Variants in MICAL3 observed in about 807,000 individuals in gnomAD.
MICAL3 encodes [F-actin]-monooxygenase MICAL3.
A neutral mutation model predicts 207.4 loss-of-function variants in MICAL3; 62 were observed. That is an observed-to-expected ratio of 0.30 (90% CI 0.24 to 0.37). The LOEUF (loss-of-function observed/expected upper bound fraction) is 0.37, where lower values mean the gene tolerates loss of function less well. MICAL3 is among the 10% of genes least tolerant of loss of function. The pLI, the probability that MICAL3 is intolerant of heterozygous loss-of-function variation, is 1.00. For missense variants in MICAL3, 2,368 were observed against 2,635.6 expected (o/e 0.90, Z 2.22); for synonymous variants, 1,077 against 1,069.3 (o/e 1.01, Z -0.14).
intron 29 of MICAL3, 128 bp downstream of exon 29, chr22:17,808,716 T>G: frequency 1.4e-6 from 1 of 735,598 alleles, no homozygotes; most frequent in Non-Finnish European, 2.2e-6. Flanking sequence ...ATCTCAGAGA[T>G]GAAGGGCCCC....
chr22:17,993,599 G>GCCC (rs1921938683), intron 1 of MICAL3, among the ~76,000 whole-genome samples: 1 of 152,056 alleles, frequency 6.6e-6, no homozygotes, highest in African/African-American at 2.4e-5. Context: ...CCAAGGCACA[G>GCCC]CCCCCAGGTT....
intron 1 of MICAL3, among the ~76,000 whole-genome samples, chr22:17,916,093 CAAAA>C (rs201336893): frequency 8.0e-6 from 1 of 125,628 alleles, no homozygotes; most frequent in African/African-American, 2.8e-5. Flanking sequence ...CAAAAAGCAA[CAAAA>C]AACAAAAACC....
Position 17,896,747 on chromosome 22 carries a change from G to C in MICAL3, c.1183C>G (p.Leu395Val). 6.2e-7 allele frequency: 1 copy of C among 1,613,866 alleles called. No individual in the cohort carries two copies. The highest frequency in any genetic ancestry group is 8.5e-7 in the Non-Finnish European group (1 of 1,179,898). ...ACCTCTAGGAGGCTGTCCCCGACCA[G>C]AGCCACTAGTAACTGGTGTCCGTTC... ...EQNGHQLLVA[L>V]VGDSLLEPFW... Residue 395 changes from leucine to valine, a missense_variant, in exon 8 of 32, where the codon CTG becomes GTG. Leu to Val is a conservative substitution (Grantham distance 32). This residue lies in a region of MICAL3 where 400 missense variants were observed against 547.0 expected (regional missense o/e 0.73). Transcript: ENST00000441493.
intron 29 of MICAL3, among the ~76,000 whole-genome samples, chr22:17,808,057 G>A (rs1161816761): frequency 6.6e-6 from 1 of 152,250 alleles, no homozygotes; most frequent in Admixed American, 6.5e-5. Context: ...TCAAGGTCCT[G>A]AACCAATAGG....
chr22:17,877,915 C>CATAA (rs1248058518), intron 16 of MICAL3, among the ~76,000 whole-genome samples: 5 of 151,982 alleles, frequency 3.3e-5, no homozygotes, highest in Non-Finnish European at 7.4e-5. Context: ...TGCAGTGGCG[C>CATAA]GATCTTGGCT....
intron 19 of MICAL3, among the ~76,000 whole-genome samples, chr22:17,856,364 G>T (rs77412932): frequency 0.01 from 1,542 of 152,292 alleles, 11 homozygotes; most frequent in Non-Finnish European, 0.017. Flanking sequence ...GATTGCTGCT[G>T]GCTCTCGGCA....
chr22:17,935,115 T>C (rs1209850181), intron 1 of MICAL3, among the ~76,000 whole-genome samples: 1 of 152,098 alleles, frequency 6.6e-6, no homozygotes, highest in Non-Finnish European at 1.5e-5. Flanking sequence ...GAGCCCGCAT[T>C]GCCAAGACAA....
At chr22:17,980,742 T>TCCGTCTTATCATTCCGC (rs374324927) in intron 1 of MICAL3, 80 of 446,758 alleles carry the variant, frequency 1.8e-4, no homozygotes, top group Middle Eastern at 1.6e-3. Context: ...TGCCACAGTT[T>TCCGTCTTATCATTCCGC]CCGTCTTATC....
intron 16 of MICAL3, among the ~76,000 whole-genome samples, chr22:17,877,463 G>A (rs1218935442): frequency 2.9e-4 from 24 of 83,004 alleles, no homozygotes; most frequent in African/African-American, 4.8e-4. Context: ...AGGTTAGGGA[G>A]ATTATGGAGG....
At chr22:17,997,485 C>A (rs901911960) in intron 1 of MICAL3, among the ~76,000 whole-genome samples, 2 of 152,192 alleles carry the variant, frequency 1.3e-5, no homozygotes, top group Non-Finnish European at 2.9e-5. Context: ...AAGGAAAAGA[C>A]CAGAATGTGA....
At position 17,801,375 on chromosome 22, in the gene MICAL3, G is replaced by A. The variant is rs1369843341; in HGVS notation, c.5650+7469C>T. On this transcript the variant is annotated intron_variant, in intron 29 of 31. Coordinates refer to ENST00000441493, the MANE Select transcript of MICAL3 (RefSeq NM_015241.3). ...TCACCGTTTTAGCCGGGATGGTCTC[G>A]ATCTCCTGACCTCGTGATCCGCCCG... 5.4e-4 allele frequency among the ~76,000 whole-genome samples: 64 copies of A among 119,264 alleles called. 14 individuals are homozygous for A. Among genetic ancestry groups the A allele is most frequent in the Non-Finnish European group, 9.5e-4 (58 of 60,982 alleles). The allele number at this position is 119,264 out of a possible 152,430, so 78.2% of individuals were successfully genotyped here. A position where few individuals can be genotyped will look rare whatever the true frequency, so the allele number is the denominator to read the frequency against.
In MICAL3 at chr22:17,928,865, G is replaced by A. The variant is rs186786772; in HGVS notation, c.-74-21979C>T. ...GCTGGAGTGCAGTGTCGTGATCTCC[G>A]CTCACTGCAAGCTCCACCTCCCGGG... On this transcript the variant is annotated intron_variant, in intron 1 of 31. Coordinates refer to ENST00000441493, the MANE Select transcript of MICAL3 (RefSeq NM_015241.3). Among the ~76,000 whole-genome samples the A allele has an allele frequency of 9.9e-4, 151 of 152,200 alleles. 1 individual carries two copies. Among genetic ancestry groups the A allele is most frequent in the Admixed American group, 8.0e-3 (123 of 15,294 alleles).
intron 29 of MICAL3, among the ~76,000 whole-genome samples, chr22:17,802,816 AG>A: frequency 6.6e-6 from 1 of 152,256 alleles, no homozygotes; most frequent in African/African-American, 2.4e-5. Flanking sequence ...GGGGAGATGA[AG>A]GGGGTAGACT....
chr22:17,871,768 G>A (rs1927749585), intron 17 of MICAL3, 69 bp downstream of exon 17: 10 of 1,436,382 alleles, frequency 7.0e-6, no homozygotes, highest in Admixed American at 4.8e-5. Flanking sequence ...GCCCAAAGGC[G>A]CCCAGCTCAG....
At chr22:18,007,922 CAAAAAAAAA>C (rs60544257) in intron 1 of MICAL3, among the ~76,000 whole-genome samples, 9 of 37,758 alleles carry the variant, frequency 2.4e-4, no homozygotes, top group African/African-American at 6.5e-4. Flanking sequence ...GACTCCATCT[CAAAAAAAAA>C]AAAAAAAAAA....
chr22:17,972,107 C>A (rs1194021172), intron 1 of MICAL3, among the ~76,000 whole-genome samples: 3 of 152,212 alleles, frequency 2.0e-5, no homozygotes, highest in Admixed American at 2.0e-4. Flanking sequence ...AACACATGCT[C>A]AGTTCAGCAA....
intron 1 of MICAL3, among the ~76,000 whole-genome samples, chr22:17,968,694 G>C (rs545435072): frequency 6.6e-6 from 1 of 152,172 alleles, no homozygotes; most frequent in South Asian, 2.1e-4. Context: ...AAGAAAGGCC[G>C]GTTCCACACT....
chr22:17,985,965 G>A (rs1920986081), intron 1 of MICAL3, among the ~76,000 whole-genome samples: 1 of 152,152 alleles, frequency 6.6e-6, no homozygotes, highest in African/African-American at 2.4e-5. Flanking sequence ...GGAGTGCAGT[G>A]GCAGCAATCT....
At chr22:17,791,436 G>A in intron 29 of MICAL3, 135 bp from the exon 30 acceptor site, 1 of 767,392 alleles carries the variant, frequency 1.3e-6, no homozygotes, top group South Asian at 1.6e-5. Flanking sequence ...CAGGCCCAAG[G>A]TTTGCCTGCA....
Sources: gnomAD v4.1 joint callset for allele counts (sites outside exome capture counted in the v4.1 genomes callset) on GRCh38, gnomAD v4.1.1 for gene constraint, gnomAD v4.1.1 regional missense constraint, MANE v1.5 for transcripts, NCBI Gene and HGNC (gene_info 2026-07-23, HGNC 2026-07-21) for gene names.